Variants in ELAVL4 observed in about 807,000 individuals in gnomAD.
The protein encoded by ELAVL4 is ELAV like RNA binding protein 4.
In ELAVL4, 1 loss-of-function variant was observed where a neutral mutation model predicts 35.6. The ratio of observed to expected loss-of-function variants is 0.03; its 90% CI spans 0.01 to 0.13. ELAVL4 has a LOEUF of 0.13. ELAVL4 is among the 10% of genes least tolerant of loss of function. The pLI is 1.00. For synonymous variants in ELAVL4, 156 were observed against 171.0 expected, an observed-to-expected ratio of 0.91 and a Z score of 0.69; for missense variants, 267 against 464.9, an observed-to-expected ratio of 0.57 and a Z score of 3.91.
chr1:50,153,880 T>C (rs569686686), intron 2 of ELAVL4, among the ~76,000 whole-genome samples: 2 of 152,282 alleles, frequency 1.3e-5, no homozygotes, highest in African/African-American at 2.4e-5. Context: ...TCTCCATACA[T>C]ATGCAACAAG....
At chr1:50,059,397 T>C (rs1663841302) in intron 1 of ELAVL4, among the ~76,000 whole-genome samples, 1 of 152,132 alleles carries the variant, frequency 6.6e-6, no homozygotes, top group South Asian at 2.1e-4. Flanking sequence ...AAATTTTAAC[T>C]GAAATTTGGA....
intron 2 of ELAVL4, among the ~76,000 whole-genome samples, chr1:50,147,786 G>C (rs1268321396): frequency 6.6e-6 from 1 of 152,110 alleles, no homozygotes; most frequent in African/African-American, 2.4e-5. Flanking sequence ...GGAGGATTGG[G>C]GGGTGGGAGG....
At position 50,061,302 on chromosome 1, in the gene ELAVL4, A is replaced by G. The variant is rs148284919; in HGVS notation, c.18+13120A>G. ...GTTTTTAACCTGAATCCCTTAAGGC[A>G]AGGCATGTACTCTCCAGTTAGGCTA... is the stretch of plus-strand genomic sequence containing the variant. On this transcript the variant is annotated intron_variant, in intron 1 of 6. Transcript: ENST00000448907. Among the ~76,000 whole-genome samples the G allele has an allele frequency of 2.2e-3, 338 of 152,290 alleles. 4 individuals are homozygous for G. Among genetic ancestry groups the G allele is most frequent in the African/African-American group, 7.8e-3 (325 of 41,550 alleles).
chr1:50,106,175 TA>T, upstream of ELAVL4: 1 of 625,946 alleles, frequency 1.6e-6, no homozygotes, highest in Non-Finnish European at 2.6e-6. Flanking sequence ...TTGTGCCACG[TA>T]AGGCTTCTCC....
intron 5 of ELAVL4, 35 bp from the exon 6 acceptor site, chr1:50,197,394 A>T: frequency 6.4e-7 from 1 of 1,560,296 alleles, no homozygotes; most frequent in Non-Finnish European, 8.6e-7. Context: ...GCCATCTGTG[A>T]GGCATTAACC....
chr1:50,176,742 T>C (rs1281305249), intron 2 of ELAVL4, among the ~76,000 whole-genome samples: 1 of 152,212 alleles, frequency 6.6e-6, no homozygotes, highest in Non-Finnish European at 1.5e-5. Context: ...TTAAGTCTCT[T>C]CTGACAAACC....
intron 1 of ELAVL4, among the ~76,000 whole-genome samples, chr1:50,090,387 A>T (rs187386956): frequency 6.6e-6 from 1 of 152,298 alleles, no homozygotes; most frequent in East Asian, 1.9e-4. Flanking sequence ...ATTCTATACA[A>T]TGTGTGCCAC....
chr1:50,065,283 G>A (rs1664204649), intron 1 of ELAVL4, among the ~76,000 whole-genome samples: 1 of 152,166 alleles, frequency 6.6e-6, no homozygotes, highest in African/African-American at 2.4e-5. Context: ...ACAATCAGAA[G>A]TGAAGGAAAA....
At chr1:50,119,132 T>C (rs1251564949) in intron 1 of ELAVL4, among the ~76,000 whole-genome samples, 2 of 151,766 alleles carry the variant, frequency 1.3e-5, no homozygotes, top group Admixed American at 6.6e-5. Flanking sequence ...AGGCAGACAA[T>C]AAAACTTTTC....
Position 50,203,129 on chromosome 1 carries a change from T to G in ELAVL4, c.*1951T>G, listed in dbSNP as rs1644450557. 6.6e-6 allele frequency: 1 copy of G among 152,232 alleles called. No individual in the cohort carries two copies. The highest frequency in any genetic ancestry group is 1.5e-5 in the Non-Finnish European group (1 of 68,030). The allele number at this position is 152,232 out of a possible 1,614,324, so 9.4% of individuals were successfully genotyped here. On this transcript the variant is annotated 3_prime_UTR_variant, in exon 7 of 7. Coordinates refer to ENST00000371824, the MANE Select transcript of ELAVL4 (RefSeq NM_001144774.3). ...ATCTAGTTGATAGTTAAATTTGCTA[T>G]TGCTTTTCTTGTCTTGTTATATAAA...
intron 2 of ELAVL4, among the ~76,000 whole-genome samples, chr1:50,157,016 A>G (rs907460615): frequency 6.6e-6 from 1 of 152,222 alleles, no homozygotes; most frequent in African/African-American, 2.4e-5. Context: ...TGAAAATATC[A>G]TAAGTTGAAA....
At chr1:50,163,698 T>C (rs1677213257) in intron 2 of ELAVL4, among the ~76,000 whole-genome samples, 1 of 152,114 alleles carries the variant, frequency 6.6e-6, no homozygotes, top group African/African-American at 2.4e-5. Context: ...TGGTGGTTCA[T>C]GCCTGTAACC....
intron 3 of ELAVL4, among the ~76,000 whole-genome samples, chr1:50,184,138 C>T (rs549859866): frequency 2.3e-4 from 35 of 152,268 alleles, no homozygotes; most frequent in African/African-American, 8.4e-4. Context: ...TGTTCACTTC[C>T]TTTGAGTGAA....
chr1:50,066,475 C>A (rs1288857133), intron 1 of ELAVL4, among the ~76,000 whole-genome samples: 1 of 152,154 alleles, frequency 6.6e-6, no homozygotes, highest in Non-Finnish European at 1.5e-5. Flanking sequence ...GATACTCCAG[C>A]CTAAATCCCC....
intron 1 of ELAVL4, among the ~76,000 whole-genome samples, chr1:50,095,255 A>G (rs577813045): frequency 6.6e-6 from 1 of 152,312 alleles, no homozygotes; most frequent in South Asian, 2.1e-4. Context: ...TTTATACTAG[A>G]CTAGATAAGT....
intron 1 of ELAVL4, among the ~76,000 whole-genome samples, chr1:50,063,639 G>C (rs1469789761): frequency 6.6e-6 from 1 of 151,992 alleles, no homozygotes; most frequent in Non-Finnish European, 1.5e-5. Flanking sequence ...CATTTTTCCT[G>C]CTTCCAGATC....
intron 1 of ELAVL4, among the ~76,000 whole-genome samples, chr1:50,074,669 C>A (rs920290376): frequency 6.6e-6 from 1 of 152,034 alleles, no homozygotes; most frequent in Non-Finnish European, 1.5e-5. Context: ...GACCTAATAA[C>A]CTTGGGAAAA....
intron 3 of ELAVL4, among the ~76,000 whole-genome samples, chr1:50,193,065 C>T (rs1682907567): frequency 6.6e-6 from 1 of 152,122 alleles, no homozygotes; most frequent in African/African-American, 2.4e-5. Flanking sequence ...CCATCTTGCC[C>T]CCATTTTATT....
intron 2 of ELAVL4, among the ~76,000 whole-genome samples, chr1:50,145,408 C>G (rs1206442917): frequency 6.6e-6 from 1 of 152,154 alleles, no homozygotes; most frequent in Non-Finnish European, 1.5e-5. Context: ...TTTGGTACAT[C>G]TTCATCTTCA....
Sources: gnomAD v4.1 joint callset for allele counts (sites outside exome capture counted in the v4.1 genomes callset) on GRCh38, gnomAD v4.1.1 for gene constraint, MANE v1.5 for transcripts, NCBI Gene and HGNC (gene_info 2026-07-23, HGNC 2026-07-21) for gene names.